Variants in ATAD2 observed in about 807,000 individuals in gnomAD.
ATAD2 encodes the protein ATPase family AAA domain containing 2.
Under a neutral mutation model 168.9 loss-of-function variants are expected in ATAD2, and 62 were observed. The ratio of observed to expected loss-of-function variants is 0.37; its 90% confidence interval spans 0.30 to 0.45. The LOEUF (loss-of-function observed/expected upper bound fraction) is 0.45, where lower values mean the gene tolerates loss of function less well. Among genes scored for constraint, ATAD2 ranks in the 20% least tolerant of loss-of-function variants. The probability of loss-of-function intolerance (pLI) is 1.00; values close to 1 mark genes in which losing one functional copy is unlikely to be tolerated. For missense variants in ATAD2, 1,419 were observed against 1,667.8 expected, an observed-to-expected ratio of 0.85 and a Z score of 2.60; for synonymous variants, 613 against 571.6, an observed-to-expected ratio of 1.07 and a Z score of -1.03.
intron 2 of ATAD2, among the ~76,000 whole-genome samples, chr8:123,374,124 G>C (rs1251328446): frequency 6.6e-6 from 1 of 152,032 alleles, no homozygotes; most frequent in African/African-American, 2.4e-5. Context: ...CAGCACTTTG[G>C]GAGGCCAAGA....
chr8:123,346,108 G>A lies in ATAD2; in HGVS notation c.2510C>T (p.Ser837Phe). The change falls in exon 18 of 28, where the codon TCC (serine) becomes TTC (phenylalanine). Residue 837 changes from serine to phenylalanine, a missense_variant. Physicochemically the swap from Ser to Phe is radical, Grantham distance 155 (BLOSUM62 -2). Around this residue, in one of 5 missense-constraint regions of ATAD2, gnomAD observed 545 missense variants for 724.9 expected, o/e 0.75. Coordinates refer to ENST00000287394, the MANE Select transcript of ATAD2 (RefSeq NM_014109.4). ...IPVLFGVSTT[S>F]PEETCAQVIR... ...TACCTGGGCACATGTTTCTTCAGGGGATGTAGTACTAACTCCAAAAAGAAC... is the reference window on the plus strand; with the variant it reads ...TACCTGGGCACATGTTTCTTCAGGGAATGTAGTACTAACTCCAAAAAGAAC... 1 of 1,564,506 alleles carries A rather than the reference G, an allele frequency of 6.4e-7. No individual in the cohort carries two copies. The highest frequency in any genetic ancestry group is 8.6e-7 in the Non-Finnish European group (1 of 1,158,864).
chr8:123,402,544 C>T lies in ATAD2; in HGVS notation c.-2281-1369G>A, dbSNP rs751509663. The stretch of plus-strand genomic sequence containing the variant: ...CATGTGGCACTTCTGAGCTCCTGAC[C>T]TAGGCTAAGGGGAGGTCTCTGCCCC... On this transcript the variant is annotated intron_variant, in intron 1 of 28. Transcript: ENST00000521903. The surrounding 1 kb of genome is among the most constrained non-coding windows in gnomAD (Gnocchi z 4.8). Among the ~76,000 whole-genome samples, 5 of 152,160 alleles carry T rather than the reference C, an allele frequency of 3.3e-5. No individual in the cohort carries two copies. Among genetic ancestry groups the T allele is most frequent in the African/African-American group, 4.8e-5 (2 of 41,442 alleles).
intron 9 of ATAD2, among the ~76,000 whole-genome samples, 163 bp from the exon 10 acceptor site, chr8:123,359,848 C>T (rs1222295226): frequency 2.0e-5 from 3 of 151,786 alleles, no homozygotes; most frequent in Admixed American, 6.6e-5. Context: ...GTAATAGGTC[C>T]AGAACTTAAG....
At chr8:123,342,551 C>G (rs1828093851) in intron 19 of ATAD2, 1 of 151,340 alleles carries the variant, frequency 6.6e-6, no homozygotes, top group African/African-American at 2.4e-5. Flanking sequence ...TCAAAGGTAA[C>G]AAAAAGAACT....
At chr8:123,322,527 G>C (rs1827495683) in intron 27 of ATAD2, among the ~76,000 whole-genome samples, 1 of 152,078 alleles carries the variant, frequency 6.6e-6, no homozygotes, top group African/African-American at 2.4e-5. Flanking sequence ...AAATTAGCTG[G>C]GCATGATGGC....
intron 2 of ATAD2, 118 bp from the exon 3 acceptor site, chr8:123,372,804 T>A: frequency 1.3e-6 from 1 of 766,820 alleles, no homozygotes; most frequent in Non-Finnish European, 1.9e-6. Context: ...CATGACTCAC[T>A]ACAGCCTCAA....
upstream of ATAD2, among the ~76,000 whole-genome samples, chr8:123,397,252 A>G (rs1322015427): frequency 6.6e-6 from 1 of 151,594 alleles, no homozygotes; most frequent in East Asian, 1.9e-4. Context: ...AAAAAAAAAA[A>G]AAAAAAAAAA....
At chr8:123,368,078 A>G (rs1167880706) in intron 8 of ATAD2, among the ~76,000 whole-genome samples, 6 of 152,220 alleles carry the variant, frequency 3.9e-5, no homozygotes, top group South Asian at 2.1e-4. Context: ...CTCATTCATG[A>G]ACTACCAAAA....
At chr8:123,335,795 G>T (rs1189860270) in intron 22 of ATAD2, among the ~76,000 whole-genome samples, 1 of 152,080 alleles carries the variant, frequency 6.6e-6, no homozygotes, top group Non-Finnish European at 1.5e-5. Flanking sequence ...AACATACATT[G>T]TACCCACTAA....
intron 1 of ATAD2, among the ~76,000 whole-genome samples, chr8:123,408,930 C>T (rs1043589352): frequency 8.6e-5 from 13 of 151,882 alleles, no homozygotes; most frequent in Admixed American, 4.6e-4. Context: ...CAAGTTCAAG[C>T]GATTCTCGTG....
intron 19 of ATAD2, 60 bp from the exon 20 acceptor site, chr8:123,339,506 T>G: frequency 1.4e-6 from 2 of 1,429,572 alleles, no homozygotes; most frequent in South Asian, 2.7e-5. Flanking sequence ...CAACTTACAA[T>G]GGTTCAATTT....
At position 123,356,372 on chromosome 8, in the gene ATAD2, C is replaced by A; in HGVS notation, c.1646+17G>T. The A allele has an allele frequency of 6.3e-7, 1 of 1,592,342 alleles. No individual in the cohort carries two copies. The highest frequency in any genetic ancestry group is 1.1e-5 in the South Asian group (1 of 89,742). ...GAAATAGGAAGAAACGTTGAAGTGC[C>A]ATCAAGCAAGTTTTACCTGTGAATC... On this transcript the variant is annotated intron_variant, in intron 13 of 27. Transcript: ENST00000287394.
chr8:123,328,728 C>T (rs905843449), intron 24 of ATAD2, 149 bp from the exon 25 acceptor site: 1 of 831,712 alleles, frequency 1.2e-6, no homozygotes, highest in South Asian at 3.4e-5. Flanking sequence ...ATAGAGCATA[C>T]TGTGAGAAGG....
chr8:123,337,989 C>T (rs570586423), intron 20 of ATAD2, among the ~76,000 whole-genome samples, 168 bp from the exon 21 acceptor site: 2 of 152,280 alleles, frequency 1.3e-5, no homozygotes, highest in South Asian at 4.1e-4. Flanking sequence ...CCCTACGTCC[C>T]CTCCAGAAAT....
At chr8:123,389,180 G>T (rs1445994173) in intron 1 of ATAD2, among the ~76,000 whole-genome samples, 1 of 135,118 alleles carries the variant, frequency 7.4e-6, no homozygotes, top group Non-Finnish European at 1.6e-5. Flanking sequence ...GTTTCACCGT[G>T]TTAGCCAGGA....
At chr8:123,333,739 T>G (rs768054925) in intron 24 of ATAD2, 139 bp downstream of exon 24, 400 of 976,976 alleles carry the variant, frequency 4.1e-4, no homozygotes, top group Non-Finnish European at 5.5e-4. Flanking sequence ...ATTTCAAGAA[T>G]GCAAAGTTGT....
intron 15 of ATAD2, 66 bp downstream of exon 15, chr8:123,348,117 A>G: frequency 1.5e-6 from 2 of 1,309,330 alleles, no homozygotes. Context: ...GCACCAACCT[A>G]ATATAACTTG....
In ATAD2 at chr8:123,328,189, C is replaced by T; in HGVS notation, c.3868+1G>A. ...AATTATTTTAATTGAAAAAGACGTA[C>T]CTTTTCCTTCATTTTCATCAGAAAT... On this transcript the variant is annotated splice_donor_variant, in intron 25 of 27. Transcript: ENST00000287394. LOFTEE classifies it high-confidence loss of function. 7.3e-7 allele frequency: 1 copy of T among 1,369,596 alleles called. No homozygotes were observed. Among genetic ancestry groups the T allele is most frequent in the Non-Finnish European group, 9.5e-7 (1 of 1,056,482 alleles). 84.8% of individuals were successfully genotyped at this position (1,369,596 alleles called of 1,614,324 possible).
intron 8 of ATAD2, among the ~76,000 whole-genome samples, chr8:123,362,274 T>C (rs947770688): frequency 4.2e-5 from 6 of 143,570 alleles, no homozygotes; most frequent in Non-Finnish European, 4.5e-5. Flanking sequence ...GCCTGCTGGG[T>C]GACAAAGTAA....
Sources: gnomAD v4.1 joint callset for allele counts (sites outside exome capture counted in the v4.1 genomes callset) on GRCh38, gnomAD v4.1.1 for gene constraint, gnomAD v4.1.1 regional missense constraint, Gnocchi (gnomAD v3.1) non-coding constraint, MANE v1.5 for transcripts, NCBI Gene and HGNC (gene_info 2026-07-23, HGNC 2026-07-21) for gene names.